Variants in ZNF500 observed in about 807,000 individuals in gnomAD.
ZNF500 encodes zinc finger protein 500.
In ZNF500, 31 loss-of-function variants were observed where a neutral mutation model predicts 30.1. The ratio of observed to expected loss-of-function variants is 1.03; its 90% CI spans 0.77 to 1.39. The LOEUF is 1.39. ZNF500 is among the 40% of genes most tolerant of loss of function. The probability of loss-of-function intolerance (pLI) is 0.00; values close to 1 mark genes in which losing one functional copy is unlikely to be tolerated. For synonymous variants in ZNF500, 392 were observed against 282.0 expected (o/e 1.39, Z -3.91); for missense variants, 817 against 657.8 (o/e 1.24, Z -2.65).
chr16:4,744,726 G>T (rs1369451116), downstream of ZNF500: 24 of 1,036,368 alleles, frequency 2.3e-5, no homozygotes, highest in Non-Finnish European at 3.1e-5. Context: ...AGAGGGCTGA[G>T]TAGGGAGAGG....
At chr16:4,754,995 C>T (rs2082121872) in intron 5 of ZNF500, among the ~76,000 whole-genome samples, 1 of 152,228 alleles carries the variant, frequency 6.6e-6, no homozygotes, top group Non-Finnish European at 1.5e-5. Flanking sequence ...TTTGCTCCTG[C>T]TCCAGCCATG....
chr16:4,746,229 AG>A (rs779759389), downstream of ZNF500: 3 of 868,630 alleles, frequency 3.5e-6, no homozygotes, highest in Non-Finnish European at 5.2e-6. Context: ...GAAGAGTAAA[AG>A]AGCAAATGTG....
In ZNF500 at chr16:4,751,206, T is replaced by C. The variant is rs994248996; in HGVS notation, c.*1170A>G. 2 of 183,408 alleles carry C rather than the reference T, an allele frequency of 1.1e-5. No homozygotes were observed. The highest frequency in any genetic ancestry group is 4.8e-5 in the African/African-American group (2 of 42,060). 11.4% of individuals were successfully genotyped at this position (183,408 alleles called of 1,614,324 possible). On this transcript the variant is annotated 3_prime_UTR_variant, in exon 6 of 6. Coordinates refer to ENST00000219478, the MANE Select transcript of ZNF500 (RefSeq NM_021646.4). ...CCACCAAGGACTCTATCACACTGCT[T>C]GTCTTGGCCACTCACCCACCGTGGA...
chr16:4,754,895 G>C (rs1440197626), intron 5 of ZNF500, among the ~76,000 whole-genome samples: 1 of 152,068 alleles, frequency 6.6e-6, no homozygotes, highest in Non-Finnish European at 1.5e-5. Flanking sequence ...GAATGGTTTG[G>C]CACCATCCTC....
chr16:4,747,172 C>A, downstream of ZNF500: 3 of 1,201,668 alleles, frequency 2.5e-6, no homozygotes, highest in Non-Finnish European at 3.5e-6. Flanking sequence ...CTTTCATCAT[C>A]CTGCCCACGT....
At position 4,760,588 on chromosome 16, in the gene ZNF500, C is replaced by T; in HGVS notation, c.664G>A (p.Val222Met). The T allele has an allele frequency of 6.2e-7, 1 of 1,613,142 alleles. No homozygotes were observed. Reference protein sequence around the residue: ...ASPFLSAWSQVPVNLEDVAVY... With the variant: ...ASPFLSAWSQMPVNLEDVAVY... ...GCCACGTCCTCCAAGTTCACGGGCA[C>T]CTGCCAGAACGCACCCCACTCAGTC... Residue 222 changes from valine to methionine, a missense_variant and splice_region_variant, in exon 5 of 6, where the codon GTG (valine) becomes ATG (methionine). Coordinates refer to ENST00000219478, the MANE Select transcript of ZNF500 (RefSeq NM_021646.4).
chr16:4,766,213 C>T (rs186182598), intron 1 of ZNF500, 137 bp from the exon 2 acceptor site: 11 of 447,500 alleles, frequency 2.5e-5, no homozygotes, highest in Non-Finnish European at 3.9e-5. Flanking sequence ...TGAATGTCAT[C>T]TTTGTTATTA....
downstream of ZNF500, among the ~76,000 whole-genome samples, chr16:4,744,669 A>T (rs1039238934): frequency 2.0e-5 from 3 of 152,144 alleles, no homozygotes; most frequent in South Asian, 6.2e-4. Flanking sequence ...CCCTGCTCAT[A>T]AAGATTCTGC....
Position 4,765,794 on chromosome 16 carries a change from G to C in ZNF500, c.185C>G (p.Ala62Gly), listed in dbSNP as rs374208274. ...GCGGCTCAGGGCCTCCCGGGGCCCAGCCACCTCCTGGTAGCAGAAGAGCCG... is the reference window on the plus strand; with the variant it reads ...GCGGCTCAGGGCCTCCCGGGGCCCACCCACCTCCTGGTAGCAGAAGAGCCG... ...LFRLFCYQEVAGPREALSRLW... is the reference protein window; with the variant it reads ...LFRLFCYQEVGGPREALSRLW... The change falls in exon 2 of 6, where the codon GCT becomes GGT. Residue 62 changes from alanine to glycine, a missense_variant. Transcript: ENST00000219478. 1.1e-5 allele frequency: 17 copies of C among 1,613,080 alleles called. No homozygotes were observed. In the African/African-American group the frequency reaches 2.0e-4, roughly 19 times the overall value.
At chr16:4,763,858 T>C in intron 2 of ZNF500, 2 of 985,454 alleles carry the variant, frequency 2.0e-6, no homozygotes, top group Non-Finnish European at 2.4e-6. Context: ...CATTAGGGGA[T>C]GTGCCTCCTC....
At chr16:4,763,089 C>T in intron 2 of ZNF500, 1 of 985,444 alleles carries the variant, frequency 1.0e-6, no homozygotes, top group Non-Finnish European at 1.2e-6. Flanking sequence ...CACAGAACTG[C>T]ATTTGCTAGA....
In ZNF500 at chr16:4,752,938, C is replaced by G; in HGVS notation, c.881G>C (p.Arg294Thr). Reference protein sequence around the residue: ...QGPGHPLPGQRPAPVRGLVRP... With the variant: ...QGPGHPLPGQTPAPVRGLVRP... ...GACCAAGCCCCTGACTGGGGCTGGC[C>G]TCTGACCTGGGAGCGGGTGGCCAGG... Residue 294 changes from arginine (R) to threonine (T), a missense_variant, in exon 6 of 6, where the codon AGG (arginine) becomes ACG (threonine). By Grantham distance (71) the Arg-to-Thr change is moderately conservative (BLOSUM62 -1). Transcript: ENST00000219478. 1 of 1,612,478 alleles carries G rather than the reference C, an allele frequency of 6.2e-7. No homozygotes were observed. The highest frequency in any genetic ancestry group is 8.5e-7 in the Non-Finnish European group (1 of 1,179,268).
Position 4,752,158 on chromosome 16 carries a change from T to C in ZNF500, c.*218A>G. 4 of 1,381,648 alleles carry C rather than the reference T, an allele frequency of 2.9e-6. No individual in the cohort carries two copies. The highest frequency in any genetic ancestry group is 3.7e-6 in the Non-Finnish European group (4 of 1,073,248). The allele number at this position is 1,381,648 out of a possible 1,614,324, so 85.6% of individuals were successfully genotyped here. On this transcript the variant is annotated 3_prime_UTR_variant, in exon 6 of 6. Coordinates refer to ENST00000219478, the MANE Select transcript of ZNF500 (RefSeq NM_021646.4). ...CCTGCTCTGTGTCACCTGTTCTGGC[T>C]GCCACTGGACACTCAGAGCCTGTCC... is the stretch of plus-strand genomic sequence containing the variant.
downstream of ZNF500, chr16:4,746,614 T>C: frequency 7.2e-7 from 1 of 1,391,050 alleles, no homozygotes; most frequent in Non-Finnish European, 9.8e-7. Flanking sequence ...GAACAGGGAC[T>C]TCAAAAGGCT....
At position 4,752,147 on chromosome 16, in the gene ZNF500, C is replaced by A; in HGVS notation, c.*229G>T. The A allele has an allele frequency of 7.3e-7, 1 of 1,374,412 alleles. No homozygotes were observed. Among genetic ancestry groups the A allele is most frequent in the Middle Eastern group, 2.7e-4 (1 of 3,716 alleles). The allele number at this position is 1,374,412 out of a possible 1,614,324, so 85.1% of individuals were successfully genotyped here. ...TGGCTGAAGCCCCTGCTCTGTGTCA[C>A]CTGTTCTGGCTGCCACTGGACACTC... is the stretch of plus-strand genomic sequence containing the variant. On this transcript the variant is annotated 3_prime_UTR_variant, in exon 6 of 6. Coordinates refer to ENST00000219478, the MANE Select transcript of ZNF500 (RefSeq NM_021646.4).
chr16:4,765,534 C>T (rs768895626), intron 2 of ZNF500, 31 bp downstream of exon 2: 2 of 1,548,894 alleles, frequency 1.3e-6, no homozygotes, highest in South Asian at 1.2e-5. Flanking sequence ...GCCCCATTTC[C>T]TCACCTGAGG....
rs1405521588 is a variant in ZNF500 at position 4,751,440 on chromosome 16, CAG to C, written c.*934_*935del. The C allele has an allele frequency of 1.7e-5, 13 of 787,246 alleles. No individual in the cohort carries two copies. The highest frequency in any genetic ancestry group is 3.5e-5 in the African/African-American group (2 of 56,702). The allele number at this position is 787,246 out of a possible 1,614,324, so 48.8% of individuals were successfully genotyped here. On this transcript the variant is annotated 3_prime_UTR_variant, in exon 6 of 6. Transcript: ENST00000219478. ...GGCAACATGTCAGGAAGATGGAACT[CAG>C]GGGTGCTTTCCCGCCCCAGGTGTCT...
intron 2 of ZNF500, chr16:4,763,675 G>A (rs984569671): frequency 6.1e-6 from 6 of 985,332 alleles, no homozygotes; most frequent in African/African-American, 5.2e-5. Context: ...ATGGCCATGA[G>A]GCATGTGTGC....
intron 5 of ZNF500, among the ~76,000 whole-genome samples, chr16:4,755,855 G>A (rs1281780543): frequency 2.6e-5 from 4 of 152,198 alleles, no homozygotes; most frequent in Non-Finnish European, 5.9e-5. Flanking sequence ...TATCCATACA[G>A]TGGAATACTA....
Sources: allele counts gnomAD v4.1 joint callset (sites outside exome capture counted in the v4.1 genomes callset), GRCh38; gene constraint gnomAD v4.1.1; transcripts MANE v1.5; gene names NCBI Gene and HGNC (gene_info 2026-07-23, HGNC 2026-07-21).